Variants in TCF12 observed in about 807,000 individuals in gnomAD.
The protein encoded by TCF12 is DNA-binding protein HTF4.
Under a neutral mutation model 86.0 loss-of-function variants are expected in TCF12, and 45 were observed. That is an observed-to-expected ratio of 0.52 (90% CI 0.41 to 0.67). The LOEUF (loss-of-function observed/expected upper bound fraction) is 0.67. TCF12 is among the 30% of genes least tolerant of loss of function. The pLI is 0.00. For synonymous variants in TCF12, 330 were observed against 299.6 expected (o/e 1.10, Z -1.05); for missense variants, 881 against 859.9 (o/e 1.02, Z -0.31).
intron 19 of TCF12, among the ~76,000 whole-genome samples, chr15:57,275,971 A>G (rs558536521): frequency 6.6e-6 from 1 of 152,120 alleles, no homozygotes; most frequent in Non-Finnish European, 1.5e-5. Flanking sequence ...CTTTTCCATT[A>G]TCATGACTAC....
intron 3 of TCF12, among the ~76,000 whole-genome samples, chr15:57,039,952 C>G (rs541587501): frequency 6.6e-6 from 1 of 152,164 alleles, no homozygotes; most frequent in Non-Finnish European, 1.5e-5. Context: ...ACTCTTTGAT[C>G]TAATATTCTA....
At chr15:56,929,456 G>T (rs1236790342) in intron 3 of TCF12, among the ~76,000 whole-genome samples, 3 of 152,106 alleles carry the variant, frequency 2.0e-5, no homozygotes, top group African/African-American at 7.2e-5. Flanking sequence ...GACTTGAAAA[G>T]AAAATGTAAT....
chr15:57,181,388 T>C (rs1454688680), intron 6 of TCF12, among the ~76,000 whole-genome samples: 1 of 152,060 alleles, frequency 6.6e-6, no homozygotes, highest in African/African-American at 2.4e-5. Context: ...CTGTGCCTAG[T>C]TTATTTTCCC....
At chr15:57,222,400 G>A (rs557542324) in intron 8 of TCF12, among the ~76,000 whole-genome samples, 10 of 151,934 alleles carry the variant, frequency 6.6e-5, no homozygotes, top group African/African-American at 2.4e-4. Flanking sequence ...GGGCATGTAG[G>A]TGTAGAAAAG....
At chr15:57,140,597 C>T (rs1462091194) in intron 5 of TCF12, among the ~76,000 whole-genome samples, 1 of 152,206 alleles carries the variant, frequency 6.6e-6, no homozygotes, top group Admixed American at 6.5e-5. Context: ...TTAGGGCTTG[C>T]TGATTACAAA....
intron 5 of TCF12, among the ~76,000 whole-genome samples, chr15:57,100,254 C>CT (rs1438868726): frequency 6.6e-6 from 1 of 152,106 alleles, no homozygotes; most frequent in Non-Finnish European, 1.5e-5. Context: ...AGAAAGATTG[C>CT]TTTTAAGGAG....
At chr15:57,087,077 CTCTG>C in intron 4 of TCF12, among the ~76,000 whole-genome samples, 1 of 143,560 alleles carries the variant, frequency 7.0e-6, no homozygotes, top group Admixed American at 6.8e-5. Context: ...CTCTCTCTCC[CTCTG>C]TCTCCCTCTG....
intron 5 of TCF12, among the ~76,000 whole-genome samples, chr15:57,157,388 T>C (rs2054185557): frequency 1.1e-5 from 1 of 89,250 alleles, no homozygotes; most frequent in Non-Finnish European, 2.1e-5. Context: ...TGGGGAAATG[T>C]GGTGACATTA....
At chr15:57,231,786 A>C (rs1188296201) in intron 9 of TCF12, among the ~76,000 whole-genome samples, 1 of 152,186 alleles carries the variant, frequency 6.6e-6, no homozygotes, top group Non-Finnish European at 1.5e-5. Context: ...TGGTTCCTTG[A>C]CTTTATATTG....
At chr15:56,960,094 T>C (rs1328743690) in intron 3 of TCF12, among the ~76,000 whole-genome samples, 2 of 152,186 alleles carry the variant, frequency 1.3e-5, no homozygotes, top group Non-Finnish European at 2.9e-5. Flanking sequence ...TTGTAAGATT[T>C]GAAAATGCAT....
chr15:57,168,350 A>G (rs2055056449), intron 6 of TCF12, among the ~76,000 whole-genome samples: 1 of 152,246 alleles, frequency 6.6e-6, no homozygotes, highest in Non-Finnish European at 1.5e-5. Context: ...AGTAAAAAAT[A>G]GAAAAGCAGC....
intron 4 of TCF12, among the ~76,000 whole-genome samples, chr15:57,070,549 A>G (rs2069284075): frequency 6.6e-6 from 1 of 152,224 alleles, no homozygotes; most frequent in Non-Finnish European, 1.5e-5. Context: ...TCAGCCTATA[A>G]GATTATCTGG....
At chr15:56,993,296 G>A (rs768784776) in intron 3 of TCF12, among the ~76,000 whole-genome samples, 1 of 152,156 alleles carries the variant, frequency 6.6e-6, no homozygotes, top group Admixed American at 6.5e-5. Flanking sequence ...CAACCGTGTG[G>A]TAATGGCAGC....
At chr15:57,058,539 G>C (rs1295175897) in intron 3 of TCF12, among the ~76,000 whole-genome samples, 1 of 152,140 alleles carries the variant, frequency 6.6e-6, no homozygotes, top group African/African-American at 2.4e-5. Context: ...TGACCGGAAA[G>C]GGTGATTCCT....
rs1567572655 is a variant in TCF12, at chr15:57,177,607, C to CGAGAGAGAGAGAGAGAGAGAGAGAGA, written c.390+11141_390+11142insGAGAGAGAGAGAGAGAGAGAGAGAGA. Among the ~76,000 whole-genome samples the CGAGAGAGAGAGAGAGAGAGAGAGAGA allele has an allele frequency of 1.6e-3, 8 of 5,002 alleles. 1 individual carries two copies. Among genetic ancestry groups the CGAGAGAGAGAGAGAGAGAGAGAGAGA allele is most frequent in the Admixed American group, 4.5e-3 (2 of 448 alleles). The allele number at this position is 5,002 out of a possible 152,430, so 3.3% of individuals were successfully genotyped here. Reference sequence around the variant, plus strand: ...TTAATGTCCTATTTTTGTTAAAAGGCCAGAGAGAGAGAGAGAGAGAGAGAG... The same window carrying CGAGAGAGAGAGAGAGAGAGAGAGAGA: ...TTAATGTCCTATTTTTGTTAAAAGGCGAGAGAGAGAGAGAGAGAGAGAGAGACAGAGAGAGAGAGAGAGAGAGAGAG... On this transcript the variant is annotated intron_variant, in intron 6 of 20. Transcript: ENST00000333725.
intron 5 of TCF12, among the ~76,000 whole-genome samples, chr15:57,163,951 A>G (rs1596959230): frequency 6.6e-6 from 1 of 152,182 alleles, no homozygotes; most frequent in South Asian, 2.1e-4. Context: ...CGGTTTCTAA[A>G]TAGATAGGGA....
At chr15:57,114,287 T>G (rs1020662147) in intron 5 of TCF12, among the ~76,000 whole-genome samples, 3 of 152,144 alleles carry the variant, frequency 2.0e-5, no homozygotes, top group African/African-American at 7.2e-5. Context: ...TATAGGCATT[T>G]AACCTACTGT....
chr15:57,160,373 A>G (rs1375809931), intron 5 of TCF12, among the ~76,000 whole-genome samples: 3 of 152,134 alleles, frequency 2.0e-5, no homozygotes, highest in East Asian at 3.9e-4. Context: ...AGAACTCACC[A>G]TCATAAGGAC....
chr15:57,286,622 G>A lies in TCF12; in HGVS notation c.*477G>A. 1 of 456,750 alleles carries A rather than the reference G, an allele frequency of 2.2e-6. No individual in the cohort carries two copies. Among genetic ancestry groups the A allele is most frequent in the Non-Finnish European group, 4.4e-6 (1 of 226,966 alleles). The allele number at this position is 456,750 out of a possible 1,614,324, so 28.3% of individuals were successfully genotyped here. A position where few individuals can be genotyped will look rare whatever the true frequency, so the allele number is the denominator to read the frequency against. On this transcript the variant is annotated 3_prime_UTR_variant, in exon 21 of 21. Coordinates refer to ENST00000333725, the MANE Select transcript of TCF12 (RefSeq NM_207037.2). ...TACATTAAAGCGGTTCACGTGCAGA[G>A]AACAAAGCAGTGACAACCATTGGCC...
Sources: allele counts gnomAD v4.1 joint callset (sites outside exome capture counted in the v4.1 genomes callset), GRCh38; gene constraint gnomAD v4.1.1; transcripts MANE v1.5; gene names NCBI Gene and HGNC (gene_info 2026-07-23, HGNC 2026-07-21).